Variants in STK33 observed in about 807,000 individuals in gnomAD.
STK33 encodes the protein serine/threonine kinase 33.
Under a neutral mutation model 58.0 loss-of-function variants are expected in STK33, and 52 were observed. The observed-to-expected ratio is 0.90, with a 90% CI of 0.72 to 1.13. The LOEUF is 1.13. Among genes scored for constraint, STK33 ranks in the 50% most tolerant of loss-of-function variants. The pLI is 0.00. For missense variants in STK33, 630 were observed against 604.2 expected, an observed-to-expected ratio of 1.04 and a Z score of -0.45; for synonymous variants, 215 against 200.1, an observed-to-expected ratio of 1.07 and a Z score of -0.63.
chr11:8,400,817 A>G (rs1937740936), intron 15 of STK33, among the ~76,000 whole-genome samples: 1 of 152,234 alleles, frequency 6.6e-6, no homozygotes, highest in Non-Finnish European at 1.5e-5. Flanking sequence ...ACATTCCTAT[A>G]CACCAATAAC....
intron 15 of STK33, among the ~76,000 whole-genome samples, chr11:8,409,814 G>A (rs558895562): frequency 4.9e-4 from 75 of 152,104 alleles, no homozygotes; most frequent in African/African-American, 1.7e-3. Flanking sequence ...TACTTACCAC[G>A]TGACAAGAGT....
chr11:8,413,518 A>T lies in STK33; in HGVS notation c.1321T>A (p.Ser441Thr). Reference protein sequence around the residue: ...WGNVPDANYTSDEEEEKQSTA... With the variant: ...WGNVPDANYTTDEEEEKQSTA... ...ACCTGTTTTTCCTCCTCTTCATCTG[A>T]AGTGTAATTGGCATCAGGGACATTT... The change falls in exon 15 of 16, where the codon TCA becomes ACA. Residue 441 changes from serine (S) to threonine (T), a missense_variant. Transcript: ENST00000687296. 1 of 1,614,016 alleles carries T rather than the reference A, an allele frequency of 6.2e-7. No homozygotes were observed. Among genetic ancestry groups the T allele is most frequent in the Non-Finnish European group, 8.5e-7 (1 of 1,179,922 alleles).
At chr11:8,560,278 T>C (rs1270541179) in intron 1 of STK33, among the ~76,000 whole-genome samples, 1 of 152,160 alleles carries the variant, frequency 6.6e-6, no homozygotes, top group Admixed American at 6.5e-5. Context: ...ATTTTTGAAC[T>C]TTTTCATCTT....
At chr11:8,347,221 C>T in the STK33 span, among the ~76,000 whole-genome samples, 1 of 152,216 alleles carries the variant, frequency 6.6e-6, no homozygotes, top group African/African-American at 2.4e-5. Context: ...GCTCACACTG[C>T]TCATGGTGGC....
intron 1 of STK33, among the ~76,000 whole-genome samples, chr11:8,491,304 C>G (rs1378117942): frequency 6.6e-6 from 1 of 152,134 alleles, no homozygotes; most frequent in African/African-American, 2.4e-5. Flanking sequence ...CATGTACAAG[C>G]TTCAGTAGCC....
At chr11:8,550,536 C>T (rs1163755829) in intron 1 of STK33, among the ~76,000 whole-genome samples, 1 of 152,168 alleles carries the variant, frequency 6.6e-6, no homozygotes, top group Non-Finnish European at 1.5e-5. Context: ...TTTAACAGCA[C>T]CCAAGTCACC....
At chr11:8,391,725 A>G (rs1848633653), downstream of STK33, 1 of 152,366 alleles carries the variant, frequency 6.6e-6, no homozygotes, top group East Asian at 1.9e-4. Context: ...AGCTAAGAGA[A>G]ATGAGGTATG....
intron 11 of STK33, among the ~76,000 whole-genome samples, chr11:8,448,696 G>C (rs1319874233): frequency 4.6e-5 from 7 of 152,148 alleles, no homozygotes; most frequent in South Asian, 4.1e-4. Context: ...GAAAACCTAG[G>C]CAATACCATT....
intron 1 of STK33, among the ~76,000 whole-genome samples, chr11:8,564,630 G>A (rs540596923): frequency 6.6e-6 from 1 of 152,240 alleles, no homozygotes; most frequent in South Asian, 2.1e-4. Flanking sequence ...AATACTTTTT[G>A]CAGTTAACCA....
At chr11:8,388,517 C>A (rs565894352), downstream of STK33, among the ~76,000 whole-genome samples, 6 of 152,372 alleles carry the variant, frequency 3.9e-5, no homozygotes, top group South Asian at 4.1e-4. Flanking sequence ...CTGAAGAGTA[C>A]AACTGAACGA....
rs139124166 is a variant in STK33 at position 8,561,229 on chromosome 11, G to A, written c.-466+32854C>T. 6.4e-4 allele frequency among the ~76,000 whole-genome samples: 97 copies of A among 152,072 alleles called. 2 individuals are homozygous for A. The highest frequency in any genetic ancestry group is 2.2e-3 in the African/African-American group (92 of 41,478). On this transcript the variant is annotated intron_variant, in intron 1 of 15. Coordinates refer to ENST00000687296, the MANE Select transcript of STK33 (RefSeq NM_001352389.2). Reference sequence around the variant, plus strand: ...TTTACTCATGAGGCATTTCTTCAGGGACTAGGTCCTTGAATGTTTGAGAAT... The same window carrying A: ...TTTACTCATGAGGCATTTCTTCAGGAACTAGGTCCTTGAATGTTTGAGAAT...
At chr11:8,581,562 G>A (rs2030269844) in intron 1 of STK33, among the ~76,000 whole-genome samples, 1 of 152,108 alleles carries the variant, frequency 6.6e-6, no homozygotes, top group Non-Finnish European at 1.5e-5. Context: ...AAAAGACTTA[G>A]GAAAAGACAC....
intron 1 of STK33, among the ~76,000 whole-genome samples, chr11:8,532,878 T>G (rs1046901453): frequency 4.6e-5 from 7 of 152,204 alleles, no homozygotes; most frequent in African/African-American, 1.7e-4. Context: ...AACTGCACCA[T>G]AAACAATATA....
chr11:8,395,576 C>A (rs1364902962), intron 15 of STK33, among the ~76,000 whole-genome samples: 1 of 152,216 alleles, frequency 6.6e-6, no homozygotes, highest in Non-Finnish European at 1.5e-5. Context: ...CTCTTTTACA[C>A]CTTGACTTTT....
At chr11:8,500,164 T>C (rs1158726621) in intron 1 of STK33, among the ~76,000 whole-genome samples, 1 of 152,190 alleles carries the variant, frequency 6.6e-6, no homozygotes. Flanking sequence ...ACTTTCACCA[T>C]TTCTATTTAA....
At chr11:8,502,999 G>C (rs1951626541) in intron 1 of STK33, among the ~76,000 whole-genome samples, 1 of 152,192 alleles carries the variant, frequency 6.6e-6, no homozygotes, top group African/African-American at 2.4e-5. Context: ...AGGTTGCAGA[G>C]AAAAGGGAAT....
At chr11:8,373,132 C>T in the STK33 span, among the ~76,000 whole-genome samples, 1 of 152,170 alleles carries the variant, frequency 6.6e-6, no homozygotes, top group Non-Finnish European at 1.5e-5. Flanking sequence ...GGTCTCTCAC[C>T]CTCCGGGAGG....
At position 8,424,020 on chromosome 11, in the gene STK33, G is replaced by A. The variant is rs192353990; in HGVS notation, c.1147-10328C>T. ...ATTTTTATTATACTTTAAGTTTTAG[G>A]GTACATGTGCACATTGTGCAGGTTT... On this transcript the variant is annotated intron_variant, in intron 14 of 15. Coordinates refer to ENST00000687296, the MANE Select transcript of STK33 (RefSeq NM_001352389.2). 4.6e-5 allele frequency among the ~76,000 whole-genome samples: 7 copies of A among 151,498 alleles called. 1 individual carries two copies. The highest frequency in any genetic ancestry group is 1.7e-4 in the African/African-American group (7 of 41,238).
chr11:8,536,104 C>A (rs533714078), intron 1 of STK33, among the ~76,000 whole-genome samples: 1 of 151,758 alleles, frequency 6.6e-6, no homozygotes, highest in African/African-American at 2.4e-5. Context: ...AAAGGGTGAA[C>A]GTGGGGAGGA....
Sources: allele counts gnomAD v4.1 joint callset (sites outside exome capture counted in the v4.1 genomes callset), GRCh38; gene constraint gnomAD v4.1.1; transcripts MANE v1.5; gene names NCBI Gene and HGNC (gene_info 2026-07-23, HGNC 2026-07-21).